Variants in SHANK2 observed in about 807,000 individuals in gnomAD.
SHANK2 encodes SH3 and multiple ankyrin repeat domains protein 2.
In SHANK2, 43 loss-of-function variants were observed where a neutral mutation model predicts 133.7. The ratio of observed to expected loss-of-function variants is 0.32; its 90% CI spans 0.25 to 0.41. The LOEUF (loss-of-function observed/expected upper bound fraction) is 0.41, where lower values mean the gene tolerates loss of function less well. Among genes scored for constraint, SHANK2 ranks in the 10% least tolerant of loss-of-function variants. The pLI is 1.00. For missense variants in SHANK2, 1,994 were observed against 2,235.8 expected (o/e 0.89, Z 2.18); for synonymous variants, 1,017 against 952.8 (o/e 1.07, Z -1.24).
At chr11:70,816,987 C>T (rs1170443567) in intron 12 of SHANK2, among the ~76,000 whole-genome samples, 1 of 152,250 alleles carries the variant, frequency 6.6e-6, no homozygotes, top group Non-Finnish European at 1.5e-5. Flanking sequence ...AAACAATGTG[C>T]AGTGAACTGG....
At chr11:70,715,723 A>T (rs1464883564) in intron 14 of SHANK2, among the ~76,000 whole-genome samples, 2 of 152,228 alleles carry the variant, frequency 1.3e-5, no homozygotes, top group Non-Finnish European at 2.9e-5. Context: ...GCATTTGCTG[A>T]TGAGCTCGGC....
chr11:71,116,878 A>T (rs1951990242), intron 4 of SHANK2, among the ~76,000 whole-genome samples: 1 of 152,098 alleles, frequency 6.6e-6, no homozygotes, highest in African/African-American at 2.4e-5. Flanking sequence ...GCCACCTAAC[A>T]TCTGCTCCTG....
At chr11:70,737,049 C>T (rs117922756) in intron 14 of SHANK2, among the ~76,000 whole-genome samples, 4,418 of 152,236 alleles carry the variant, frequency 0.029, 79 homozygotes, top group Non-Finnish European at 0.043. Context: ...CCTTCACCCG[C>T]GGCCAAAGTG....
chr11:70,605,801 C>A (rs1487457962), intron 17 of SHANK2, among the ~76,000 whole-genome samples: 1 of 152,210 alleles, frequency 6.6e-6, no homozygotes, highest in Non-Finnish European at 1.5e-5. Flanking sequence ...CCCGAGGAAA[C>A]TGCACGGCAA....
intron 14 of SHANK2, among the ~76,000 whole-genome samples, chr11:70,710,480 A>G (rs1427939153): frequency 6.6e-6 from 1 of 152,244 alleles, no homozygotes; most frequent in Admixed American, 6.5e-5. Flanking sequence ...CGAGGGAGGC[A>G]GAACTGACAA....
chr11:71,206,454 C>T (rs1341312949), intron 2 of SHANK2, among the ~76,000 whole-genome samples: 11 of 152,248 alleles, frequency 7.2e-5, no homozygotes, highest in African/African-American at 2.6e-4. Flanking sequence ...AGCACAGGAG[C>T]GTAAATATTT....
chr11:70,955,073 C>T (rs899532507), intron 10 of SHANK2, among the ~76,000 whole-genome samples: 28 of 152,232 alleles, frequency 1.8e-4, no homozygotes, highest in African/African-American at 6.8e-4. Context: ...GTTTCCCTCC[C>T]ATTTCATCCT....
At chr11:70,686,698 A>G (rs1486520481) in intron 15 of SHANK2, among the ~76,000 whole-genome samples, 3 of 152,200 alleles carry the variant, frequency 2.0e-5, no homozygotes, top group Non-Finnish European at 4.4e-5. Flanking sequence ...GGCCCAGGTA[A>G]TGTTGAGTCA....
rs782404467 is a variant in SHANK2, at chr11:70,487,009, G to C, written c.3284C>G (p.Ala1095Gly). ...GAGGAAGGCCGGGGAGTTCCTCCTGGCTTCCAGCCGCTTCTCACGGTCGCG... is the reference window on the plus strand; with the variant it reads ...GAGGAAGGCCGGGGAGTTCCTCCTGCCTTCCAGCCGCTTCTCACGGTCGCG... ...AVRDREKRLEARRNSPAFLST... is the reference protein window; with the variant it reads ...AVRDREKRLEGRRNSPAFLST... The change falls in exon 25 of 26, where the codon GCC (alanine) becomes GGC (glycine). Residue 1095 changes from alanine to glycine, a missense_variant. Ala to Gly is a moderately conservative substitution (Grantham distance 60). Transcript: ENST00000601538. The surrounding 1 kb of genome is among the most constrained non-coding windows in gnomAD (Gnocchi z 5.8). The C allele has an allele frequency of 6.2e-6, 10 of 1,610,250 alleles. No individual in the cohort carries two copies. Among genetic ancestry groups the C allele is most frequent in the Non-Finnish European group, 6.8e-6 (8 of 1,179,712 alleles).
At chr11:71,059,712 G>C (rs1950964092) in intron 9 of SHANK2, among the ~76,000 whole-genome samples, 2 of 152,244 alleles carry the variant, frequency 1.3e-5, no homozygotes, top group South Asian at 4.1e-4. Context: ...GCAGCTAAGA[G>C]TGTGGGCTGC....
chr11:70,633,099 C>T (rs1197031784), intron 17 of SHANK2, among the ~76,000 whole-genome samples: 1 of 151,572 alleles, frequency 6.6e-6, no homozygotes, highest in African/African-American at 2.4e-5. Context: ...GTGTCTGCAG[C>T]TGATTTAGAC....
chr11:70,942,607 T>A (rs1159244638), intron 10 of SHANK2: 2 of 456,838 alleles, frequency 4.4e-6, no homozygotes, highest in Admixed American at 4.7e-5. Context: ...AGCACAGACC[T>A]AGCAGACTAG....
At chr11:70,534,792 G>A (rs192102173) in intron 17 of SHANK2, among the ~76,000 whole-genome samples, 47 of 152,340 alleles carry the variant, frequency 3.1e-4, no homozygotes, top group East Asian at 5.8e-4. Flanking sequence ...TGCACAGACC[G>A]AGGGATGTAG....
intron 11 of SHANK2, among the ~76,000 whole-genome samples, chr11:70,867,580 C>A (rs1295630625): frequency 3.9e-5 from 6 of 152,248 alleles, no homozygotes; most frequent in Non-Finnish European, 5.9e-5. Flanking sequence ...AGGCCACCGG[C>A]TCGTGAATGT....
At chr11:70,687,905 C>G (rs1168195773) in intron 15 of SHANK2, among the ~76,000 whole-genome samples, 3 of 152,210 alleles carry the variant, frequency 2.0e-5, no homozygotes, top group Non-Finnish European at 4.4e-5. Flanking sequence ...CCGGTGTCCC[C>G]ACCATCCACC....
At chr11:71,248,412 G>T (rs1205121625) in intron 1 of SHANK2, among the ~76,000 whole-genome samples, 5 of 152,224 alleles carry the variant, frequency 3.3e-5, no homozygotes, top group African/African-American at 9.6e-5. Context: ...CTCCAGCTGG[G>T]CAGCGTGCAT....
chr11:70,946,271 C>G (rs1205341097), intron 10 of SHANK2, among the ~76,000 whole-genome samples: 6 of 145,934 alleles, frequency 4.1e-5, no homozygotes. Flanking sequence ...GGCTCAACCT[C>G]CCTCTCCACT....
chr11:71,165,126 C>T (rs1565489323), intron 2 of SHANK2, among the ~76,000 whole-genome samples: 1 of 151,974 alleles, frequency 6.6e-6, no homozygotes, highest in Non-Finnish European at 1.5e-5. Flanking sequence ...CTCCACCTCC[C>T]GGGTTCAAGT....
intron 5 of SHANK2, among the ~76,000 whole-genome samples, chr11:71,112,557 A>G (rs900842306): frequency 1.3e-4 from 20 of 152,166 alleles, no homozygotes; most frequent in African/African-American, 4.8e-4. Flanking sequence ...CGCTTCAGGC[A>G]GCTGCCCGGA....
Sources: gnomAD v4.1 joint callset for allele counts (sites outside exome capture counted in the v4.1 genomes callset) on GRCh38, gnomAD v4.1.1 for gene constraint, Gnocchi (gnomAD v3.1) non-coding constraint, MANE v1.5 for transcripts, NCBI Gene and HGNC (gene_info 2026-07-23, HGNC 2026-07-21) for gene names.